The following LRP1B variants were observed in gnomAD, a reference collection of about 807,000 sequenced individuals.
LRP1B encodes the protein LDL receptor related protein 1B.
In LRP1B, 217 loss-of-function variants were observed where a neutral mutation model predicts 556.6. That is an observed-to-expected ratio of 0.39 (90% confidence interval 0.35 to 0.44). The LOEUF is 0.44. Among genes scored for constraint, LRP1B ranks in the 20% least tolerant of loss-of-function variants. The pLI, the probability that LRP1B is intolerant of heterozygous loss-of-function variation, is 1.00. For missense variants in LRP1B, 5,053 were observed against 5,620.8 expected, an observed-to-expected ratio of 0.90 and a Z score of 3.23; for synonymous variants, 2,047 against 1,865.8, an observed-to-expected ratio of 1.10 and a Z score of -2.50.
Position 141,835,730 on chromosome 2 carries a change from G to A in LRP1B, c.83-25329C>T, listed in dbSNP as rs530339402. ...TTTAAAACAAATTTAGGACATTACT[G>A]AAAGAAAGCTGAGATTTATTAATTC... On this transcript the variant is annotated intron_variant, in intron 1 of 90. Transcript: ENST00000389484. Among the ~76,000 whole-genome samples, 332 of 151,828 alleles carry A rather than the reference G, an allele frequency of 2.2e-3. 3 individuals carry two copies. The highest frequency in any genetic ancestry group is 7.8e-3 in the African/African-American group (323 of 41,442).
chr2:140,525,689 T>A (rs1190744115), intron 49 of LRP1B, among the ~76,000 whole-genome samples, 155 bp downstream of exon 49: 1 of 151,960 alleles, frequency 6.6e-6, no homozygotes, highest in Admixed American at 6.6e-5. Flanking sequence ...AAGCGGTATG[T>A]TTAGAACAGG....
At chr2:140,264,756 C>A (rs1297897536) in intron 86 of LRP1B, among the ~76,000 whole-genome samples, 1 of 149,428 alleles carries the variant, frequency 6.7e-6, no homozygotes, top group African/African-American at 2.5e-5. Context: ...AATTTTCCCA[C>A]TGAAATTTAA....
intron 35 of LRP1B, among the ~76,000 whole-genome samples, chr2:140,757,633 C>A (rs1193233529): frequency 9.2e-5 from 14 of 152,194 alleles, no homozygotes; most frequent in Non-Finnish European, 1.5e-5. Context: ...TGTGATCCCA[C>A]ACTTTGGGAG....
intron 2 of LRP1B, among the ~76,000 whole-genome samples, chr2:141,521,709 G>T (rs1296394184): frequency 3.3e-5 from 5 of 151,718 alleles, no homozygotes; most frequent in African/African-American, 7.3e-5. Context: ...ATCCAAGTAA[G>T]AAAATTAACA....
In LRP1B at chr2:141,639,371, T is replaced by C. The variant is rs1428616550; in HGVS notation, c.206-158838A>G. Among the ~76,000 whole-genome samples, 440 of 64,284 alleles carry C rather than the reference T, an allele frequency of 6.8e-3. 5 individuals carry two copies. Among genetic ancestry groups the C allele is most frequent in the South Asian group, 0.015 (29 of 1,878 alleles). 42.2% of individuals were successfully genotyped at this position (64,284 alleles called of 152,430 possible). On this transcript the variant is annotated intron_variant, in intron 2 of 90. Transcript: ENST00000389484. ...ATATACACACACACACACATATATATATATACACATATATATATACACATA... is the reference window on the plus strand; with the variant it reads ...ATATACACACACACACACATATATACATATACACATATATATATACACATA...
At position 141,273,616 on chromosome 2, in the gene LRP1B, G is replaced by A. The variant is rs141705788; in HGVS notation, c.344-18975C>T. Among the ~76,000 whole-genome samples the A allele has an allele frequency of 1.3e-3, 198 of 152,202 alleles. 1 individual carries two copies. Among genetic ancestry groups the A allele is most frequent in the Admixed American group, 0.011 (165 of 15,288 alleles). On this transcript the variant is annotated intron_variant, in intron 3 of 90. Coordinates refer to ENST00000389484, the MANE Select transcript of LRP1B (RefSeq NM_018557.3). ...CTGGCCTCAGTAAAAGAGTTACAACGAGAAAACTCTTAGAAGAAAAAATGT... is the reference window on the plus strand; with the variant it reads ...CTGGCCTCAGTAAAAGAGTTACAACAAGAAAACTCTTAGAAGAAAAAATGT...
intron 3 of LRP1B, among the ~76,000 whole-genome samples, chr2:141,264,194 T>C (rs899272697): frequency 6.6e-6 from 1 of 152,180 alleles, no homozygotes; most frequent in Non-Finnish European, 1.5e-5. Context: ...AATGTCTACA[T>C]ACAAAATTGT....
At chr2:141,937,127 C>T (rs1402876293) in intron 1 of LRP1B, among the ~76,000 whole-genome samples, 2 of 151,982 alleles carry the variant, frequency 1.3e-5, no homozygotes, top group Non-Finnish European at 2.9e-5. Flanking sequence ...AGGTGGCTCA[C>T]GCTTGTAATC....
intron 1 of LRP1B, among the ~76,000 whole-genome samples, chr2:142,106,254 T>A (rs916271517): frequency 5.9e-5 from 9 of 152,186 alleles, no homozygotes; most frequent in Admixed American, 4.6e-4. Context: ...AAATAAAGAT[T>A]GCAAAATTGG....
chr2:141,352,185 C>T (rs752865067), intron 3 of LRP1B, among the ~76,000 whole-genome samples: 1 of 151,786 alleles, frequency 6.6e-6, no homozygotes, highest in Non-Finnish European at 1.5e-5. Flanking sequence ...AGAGAGTAGA[C>T]CTTTGATCCA....
chr2:141,188,199 G>C (rs1681345770), intron 7 of LRP1B, among the ~76,000 whole-genome samples: 2 of 151,966 alleles, frequency 1.3e-5, no homozygotes, highest in African/African-American at 4.8e-5. Flanking sequence ...AAGGTTATTT[G>C]TGTCTTACAT....
In LRP1B at chr2:140,670,387, G is replaced by A. The variant is rs560246236; in HGVS notation, c.6799+29863C>T. 6.6e-5 allele frequency among the ~76,000 whole-genome samples: 10 copies of A among 152,284 alleles called. No individual in the cohort carries two copies. The East Asian group carries it at 1.7e-3, about 26-fold the overall frequency. On this transcript the variant is annotated intron_variant, in intron 41 of 90. Coordinates refer to ENST00000389484, the MANE Select transcript of LRP1B (RefSeq NM_018557.3). ...AGTTAGTGATTTAATAGCCTCCGCA[G>A]TTCTAAATGGTAAGATAAAGGCGAG...
intron 7 of LRP1B, among the ~76,000 whole-genome samples, chr2:141,096,123 A>G (rs1700292864): frequency 6.6e-6 from 1 of 152,126 alleles, no homozygotes; most frequent in South Asian, 2.1e-4. Flanking sequence ...AACGCTAAAT[A>G]TTTCTTTCCT....
At chr2:140,267,591 C>T (rs1275529099) in intron 86 of LRP1B, among the ~76,000 whole-genome samples, 1 of 151,916 alleles carries the variant, frequency 6.6e-6, no homozygotes, top group East Asian at 1.9e-4. Flanking sequence ...TGAGCCTGTA[C>T]AAACTTGAGA....
chr2:141,405,238 A>C (rs1055821184), intron 3 of LRP1B, among the ~76,000 whole-genome samples: 1 of 152,200 alleles, frequency 6.6e-6, no homozygotes, highest in South Asian at 2.1e-4. Flanking sequence ...GACCTACCAA[A>C]ATGATTGCTT....
chr2:140,712,709 T>G (rs577151218), intron 37 of LRP1B, among the ~76,000 whole-genome samples: 1 of 152,204 alleles, frequency 6.6e-6, no homozygotes, highest in Non-Finnish European at 1.5e-5. Context: ...CACTTTCTAA[T>G]TATTCTTTTG....
At chr2:141,989,759 T>A (rs929383026) in intron 1 of LRP1B, among the ~76,000 whole-genome samples, 1 of 152,028 alleles carries the variant, frequency 6.6e-6, no homozygotes, top group Non-Finnish European at 1.5e-5. Flanking sequence ...TGTGAAGAGG[T>A]GACTTTGCTA....
At chr2:140,269,329 C>A in intron 86 of LRP1B, 1 of 470,992 alleles carries the variant, frequency 2.1e-6, no homozygotes, top group South Asian at 1.5e-5. Context: ...CAGTAGTGAT[C>A]ACAAGGGTTC....
intron 19 of LRP1B, among the ~76,000 whole-genome samples, 155 bp downstream of exon 19, chr2:140,951,705 T>C (rs942597715): frequency 2.2e-4 from 33 of 152,232 alleles, no homozygotes; most frequent in Admixed American, 6.5e-5. Context: ...TAATTCCCAC[T>C]GATGTGCTGC....
Sources: gnomAD v4.1 joint callset for allele counts (sites outside exome capture counted in the v4.1 genomes callset) on GRCh38, gnomAD v4.1.1 for gene constraint, MANE v1.5 for transcripts, NCBI Gene and HGNC (gene_info 2026-07-23, HGNC 2026-07-21) for gene names.